The following MTA2 variants were observed in gnomAD, a reference collection of about 807,000 sequenced individuals.
The protein encoded by MTA2 is metastasis-associated protein MTA2.
A neutral mutation model predicts 87.1 loss-of-function variants in MTA2; 22 were observed. The ratio of observed to expected loss-of-function variants is 0.25; its 90% CI spans 0.18 to 0.36. The LOEUF is 0.36. MTA2 is among the 10% of genes least tolerant of loss of function. MTA2 has a pLI of 1.00. For synonymous variants in MTA2, 314 were observed against 310.1 expected (o/e 1.01, Z -0.13); for missense variants, 542 against 853.2 (o/e 0.64, Z 4.54).
intron 8 of MTA2, 76 bp downstream of exon 8, chr11:62,597,240 C>G (rs980328382): frequency 3.0e-6 from 3 of 985,604 alleles, no homozygotes; most frequent in Admixed American, 2.8e-5. Context: ...TCAGAGATAC[C>G]CTCCTCTTCT....
chr11:62,600,197 A>G lies in MTA2; in HGVS notation c.159T>C (p.Ser53=). 1 of 1,614,218 alleles carries G rather than the reference A, an allele frequency of 6.2e-7. No homozygotes were observed. Among genetic ancestry groups the G allele is most frequent in the Non-Finnish European group, 8.5e-7 (1 of 1,180,030 alleles). Residue 53 remains serine (S), a synonymous_variant, in exon 3 of 18, where the codon AGT becomes AGC. Coordinates refer to ENST00000278823, the MANE Select transcript of MTA2 (RefSeq NM_004739.4). ...VCLFRRRDIS[S]SLNSLADSNA... Reference sequence around the variant, plus strand: ...TACTATCAGCCAGGCTGTTGAGGCTACTAGAAATGTCCCTGCGCCGGAAAA... The same window carrying G: ...TACTATCAGCCAGGCTGTTGAGGCTGCTAGAAATGTCCCTGCGCCGGAAAA...
chr11:62,600,818 G>A, intron 1 of MTA2, 129 bp from the exon 2 acceptor site: 1 of 731,068 alleles, frequency 1.4e-6, no homozygotes, highest in Non-Finnish European at 2.3e-6. Context: ...AAAGGGCGCT[G>A]AGATGTGAAA....
chr11:62,595,023 G>A lies in MTA2; in HGVS notation c.1531C>T (p.Pro511Ser). Residue 511 changes from proline (P) to serine (S), a missense_variant, in exon 15 of 18, where the codon CCT becomes TCT. Around this residue, in one of 6 missense-constraint regions of MTA2, gnomAD observed 269 missense variants for 346.4 expected, o/e 0.78. Transcript: ENST00000278823. The surrounding 1 kb of genome is among the most constrained non-coding windows in gnomAD (Gnocchi z 4.9). ...KAAKTPLKIH[P>S]LVRLPLATIV... ...GTTGCCAGGGGCAGCCGCACCAGAG[G>A]GTGAATCTTCAATGGAGTCTTGGCG... The A allele has an allele frequency of 5.6e-6, 9 of 1,614,146 alleles. No homozygotes were observed. Among genetic ancestry groups the A allele is most frequent in the Non-Finnish European group, 7.6e-6 (9 of 1,180,024 alleles).
intron 8 of MTA2, 57 bp downstream of exon 8, chr11:62,597,259 G>T: frequency 4.1e-6 from 5 of 1,218,628 alleles, no homozygotes; most frequent in Non-Finnish European, 5.9e-6. Context: ...CTGTTCCCAG[G>T]CTCTGCAAGT....
rs1379299534 is a variant in MTA2 at position 62,595,094 on chromosome 11, C to T, written c.1484-24G>A. On this transcript the variant is annotated intron_variant, in intron 14 of 17. Coordinates refer to ENST00000278823, the MANE Select transcript of MTA2 (RefSeq NM_004739.4). This position sits in a 1 kb window ranked among gnomAD's most constrained non-coding sequence, Gnocchi z 4.9. ...GCCTGGAGAACAAAGAAGAAAGCTT[C>T]TGAAGGGCTTCACCATTCAGGTCTC... 1 of 1,611,556 alleles carries T rather than the reference C, an allele frequency of 6.2e-7. No homozygotes were observed. Among genetic ancestry groups the T allele is most frequent in the Non-Finnish European group, 8.5e-7 (1 of 1,178,386 alleles).
chr11:62,600,741 C>A, intron 1 of MTA2, 52 bp from the exon 2 acceptor site: 2 of 1,528,552 alleles, frequency 1.3e-6, no homozygotes, highest in Non-Finnish European at 1.8e-6. Context: ...AGATGGGAGA[C>A]GCAGAGCACC....
In MTA2 at chr11:62,596,843, A is replaced by G; in HGVS notation, c.694-18T>C. 1.3e-6 allele frequency: 2 copies of G among 1,583,782 alleles called. No individual in the cohort carries two copies. The highest frequency in any genetic ancestry group is 1.7e-6 in the Non-Finnish European group (2 of 1,165,918). On this transcript the variant is annotated intron_variant, in intron 8 of 17. Coordinates refer to ENST00000278823, the MANE Select transcript of MTA2 (RefSeq NM_004739.4). ...GCGTGAAACTATGGGGAAGATGGAG[A>G]GCAACTGAGGACCTGAAACTTTTGG...
intron 5 of MTA2, 62 bp downstream of exon 5, chr11:62,598,265 C>T (rs1942126390): frequency 6.3e-7 from 1 of 1,580,292 alleles, no homozygotes; most frequent in Non-Finnish European, 8.7e-7. Flanking sequence ...GTGCTCCTTT[C>T]CCCCTCTCTT....
chr11:62,598,428 C>G (rs773240724), intron 4 of MTA2, 38 bp from the exon 5 acceptor site: 10 of 1,609,850 alleles, frequency 6.2e-6, no homozygotes, highest in Non-Finnish European at 8.5e-6. Context: ...GTGAGCCCCA[C>G]TCTCCCTCCC....
chr11:62,600,856 G>A (rs550603342), intron 1 of MTA2, among the ~76,000 whole-genome samples, 167 bp from the exon 2 acceptor site: 1 of 152,224 alleles, frequency 6.6e-6, no homozygotes, highest in African/African-American at 2.4e-5. Flanking sequence ...AAATAAGGAT[G>A]TCCCCCATCC....
Position 62,601,824 on chromosome 11 carries a change from C to T in MTA2, c.-374G>A. The T allele has an allele frequency of 2.0e-6, 1 of 500,540 alleles. No homozygotes were observed. The highest frequency in any genetic ancestry group is 3.5e-6 in the Non-Finnish European group (1 of 287,610). The allele number at this position is 500,540 out of a possible 1,614,324, so 31.0% of individuals were successfully genotyped here. A position where few individuals can be genotyped will look rare whatever the true frequency, so the allele number is the denominator to read the frequency against. ...CCGGGCCCGCCTCAGGGTTCGCCTCCTTCCGGAACACCTTCGGCCGATCCG... is the reference window on the plus strand; with the variant it reads ...CCGGGCCCGCCTCAGGGTTCGCCTCTTTCCGGAACACCTTCGGCCGATCCG... On this transcript the variant is annotated 5_prime_UTR_variant, in exon 1 of 18. Coordinates refer to ENST00000278823, the MANE Select transcript of MTA2 (RefSeq NM_004739.4).
At chr11:62,601,205 G>A (rs1223475136) in intron 1 of MTA2, 1 of 586,644 alleles carries the variant, frequency 1.7e-6, no homozygotes, top group Admixed American at 3.5e-5. Flanking sequence ...CGAAAGTGCC[G>A]TCGGGGCTGC....
intron 6 of MTA2, 53 bp downstream of exon 6, chr11:62,597,971 G>A: frequency 6.8e-7 from 1 of 1,466,354 alleles, no homozygotes. Flanking sequence ...ATGTTAAAGT[G>A]CCCCTTGGAA....
chr11:62,594,388 G>A lies in MTA2; in HGVS notation c.1712C>T (p.Pro571Leu). The stretch of plus-strand genomic sequence containing the variant: ...CAGAGGCCTTCCATTGGCAGAGAAA[G>A]GAACCCCTGCCCCTGCCATCTGGAA... ...AYETMAGAGV[P>L]FSANGRPLAS... is the part of the protein sequence containing the mutation. The change falls in exon 17 of 18, where the codon CCT (proline) becomes CTT (leucine). Residue 571 changes from proline (P) to leucine (L), a missense_variant. Physicochemically the swap from Pro to Leu is moderately conservative, Grantham distance 98. This residue lies in a region of MTA2 where 269 missense variants were observed against 346.4 expected (regional missense o/e 0.78). Transcript: ENST00000278823. The A allele has an allele frequency of 6.2e-7, 1 of 1,614,186 alleles. No homozygotes were observed. Among genetic ancestry groups the A allele is most frequent in the South Asian group, 1.1e-5 (1 of 91,090 alleles).
chr11:62,596,594 C>T, intron 9 of MTA2, 43 bp downstream of exon 9: 2 of 1,611,860 alleles, frequency 1.2e-6, no homozygotes, highest in Non-Finnish European at 1.7e-6. Flanking sequence ...GGTTCCCTCA[C>T]CTGTCATCTC....
intron 1 of MTA2, 117 bp from the exon 2 acceptor site, chr11:62,600,806 A>T: frequency 1.2e-6 from 1 of 811,286 alleles, no homozygotes; most frequent in East Asian, 2.6e-5. Flanking sequence ...GGATTCAGGT[A>T]GAAAGGGCGC....
At chr11:62,599,611 A>G (rs1435764391) in intron 3 of MTA2, among the ~76,000 whole-genome samples, 1 of 151,388 alleles carries the variant, frequency 6.6e-6, no homozygotes, top group Non-Finnish European at 1.5e-5. Context: ...TTAAAAAAAG[A>G]AGATGAGACC....
At position 62,601,370 on chromosome 11, in the gene MTA2, C is replaced by G. The variant is rs1404351638; in HGVS notation, c.28+53G>C. 4 of 1,600,180 alleles carry G rather than the reference C, an allele frequency of 2.5e-6. No homozygotes were observed. The Admixed American group carries it at 5.0e-5, about 20-fold the overall frequency. The stretch of plus-strand genomic sequence containing the variant: ...CACCCGGTGCCGAGCCCCTCAGGTC[C>G]CTACCCCAACCTCTCCCGCCCCGGG... On this transcript the variant is annotated intron_variant, in intron 1 of 17. Coordinates refer to ENST00000278823, the MANE Select transcript of MTA2 (RefSeq NM_004739.4).
intron 1 of MTA2, 161 bp downstream of exon 1, chr11:62,601,262 C>G: frequency 2.2e-6 from 2 of 907,760 alleles, no homozygotes; most frequent in Non-Finnish European, 3.3e-6. Context: ...CGTCGCGGTT[C>G]CCCGCACCCT....
Sources: allele counts gnomAD v4.1 joint callset (sites outside exome capture counted in the v4.1 genomes callset), GRCh38; gene constraint gnomAD v4.1.1; regional missense constraint gnomAD v4.1.1; non-coding constraint Gnocchi (gnomAD v3.1); transcripts MANE v1.5; gene names NCBI Gene and HGNC (gene_info 2026-07-23, HGNC 2026-07-21).